PGM5: variants seen among roughly 807,000 people sequenced by gnomAD.
PGM5 encodes the protein phosphoglucomutase-like protein 5.
Under a neutral mutation model 59.2 loss-of-function variants are expected in PGM5, and 23 were observed. That is an observed-to-expected ratio of 0.39 (90% CI 0.28 to 0.55). The LOEUF (loss-of-function observed/expected upper bound fraction) is 0.55. Ranked by LOEUF, PGM5 falls within the 20% of genes least tolerant of loss-of-function variation. The pLI, the probability that PGM5 is intolerant of heterozygous loss-of-function variation, is 0.66. For synonymous variants in PGM5, 214 were observed against 286.0 expected, an observed-to-expected ratio of 0.75 and a Z score of 2.54; for missense variants, 574 against 748.3, an observed-to-expected ratio of 0.77 and a Z score of 2.72.
At chr9:68,468,735 A>G (rs1407388610) in intron 7 of PGM5, among the ~76,000 whole-genome samples, 5 of 152,184 alleles carry the variant, frequency 3.3e-5, no homozygotes, top group Non-Finnish European at 5.9e-5. Context: ...ATGTCTCTTA[A>G]GTCTCTTTTA....
chr9:68,376,635 T>A (rs1821893824), intron 1 of PGM5, among the ~76,000 whole-genome samples: 1 of 152,070 alleles, frequency 6.6e-6, no homozygotes, highest in Non-Finnish European at 1.5e-5. Context: ...TTGAACTGTA[T>A]GTTAAAGTTT....
chr9:68,386,469 GAAT>G (rs1822221291), intron 3 of PGM5, among the ~76,000 whole-genome samples: 1 of 152,140 alleles, frequency 6.6e-6, no homozygotes, highest in South Asian at 2.1e-4. Flanking sequence ...TCAGATGAAG[GAAT>G]AATATTATAT....
At chr9:68,402,569 C>T (rs1399240582) in intron 6 of PGM5, 8 of 152,324 alleles carry the variant, frequency 5.3e-5, no homozygotes, top group Admixed American at 4.6e-4. Flanking sequence ...AGCCTGCAAT[C>T]TTGTCTTTGG....
At chr9:68,451,919 G>T (rs1179424234) in intron 6 of PGM5, among the ~76,000 whole-genome samples, 3 of 152,226 alleles carry the variant, frequency 2.0e-5, no homozygotes, top group Non-Finnish European at 2.9e-5. Context: ...TTATGACAGC[G>T]CTTCAGCAGA....
chr9:68,433,245 T>A (rs1216292714), intron 6 of PGM5, among the ~76,000 whole-genome samples: 1 of 152,250 alleles, frequency 6.6e-6, no homozygotes, highest in Non-Finnish European at 1.5e-5. Flanking sequence ...TAGTTATTCA[T>A]GTTGGGCAAG....
At chr9:68,519,639 C>A in intron 10 of PGM5, among the ~76,000 whole-genome samples, 2 of 148,392 alleles carry the variant, frequency 1.3e-5, no homozygotes, top group African/African-American at 2.5e-5. Context: ...TACCCTAAAA[C>A]TTAAAGTATA....
At chr9:68,376,458 G>T (rs1367358936) in intron 1 of PGM5, among the ~76,000 whole-genome samples, 10 of 148,766 alleles carry the variant, frequency 6.7e-5, no homozygotes, top group Non-Finnish European at 1.3e-4. Flanking sequence ...TCATCCCAAG[G>T]CCACTTTGCT....
intron 9 of PGM5, among the ~76,000 whole-genome samples, chr9:68,495,287 ATAAG>A (rs1315372750): frequency 3.3e-5 from 5 of 152,256 alleles, no homozygotes; most frequent in East Asian, 1.9e-4. Context: ...TAGGGAATAT[ATAAG>A]TAAGAGTAGA....
chr9:68,409,840 C>T (rs1332434470), intron 6 of PGM5, among the ~76,000 whole-genome samples: 7 of 136,288 alleles, frequency 5.1e-5, no homozygotes, highest in Non-Finnish European at 9.4e-5. Context: ...CTAACCTGCA[C>T]AATGTGCATA....
chr9:68,412,387 A>C (rs1436357995), intron 6 of PGM5, among the ~76,000 whole-genome samples: 2 of 152,350 alleles, frequency 1.3e-5, no homozygotes, highest in East Asian at 1.9e-4. Context: ...AGAGTCATGA[A>C]GTTTACAAAG....
At chr9:68,387,101 G>A (rs1326774739) in intron 3 of PGM5, among the ~76,000 whole-genome samples, 4 of 151,928 alleles carry the variant, frequency 2.6e-5, no homozygotes, top group Non-Finnish European at 4.4e-5. Context: ...ATGCCAAAAT[G>A]CCTCTAAACA....
intron 6 of PGM5, among the ~76,000 whole-genome samples, chr9:68,421,769 T>C (rs563648994): frequency 1.3e-5 from 2 of 151,946 alleles, no homozygotes; most frequent in Non-Finnish European, 2.9e-5. Flanking sequence ...GATTCTGCTT[T>C]CCTGACTGGC....
At chr9:68,524,800 G>T (rs1164502345) in intron 10 of PGM5, among the ~76,000 whole-genome samples, 2 of 152,156 alleles carry the variant, frequency 1.3e-5, no homozygotes, top group Non-Finnish European at 2.9e-5. Context: ...CTTATATGCA[G>T]AACTGTATGA....
At chr9:68,520,842 C>T (rs1238241404) in intron 10 of PGM5, among the ~76,000 whole-genome samples, 1 of 152,130 alleles carries the variant, frequency 6.6e-6, no homozygotes, top group East Asian at 1.9e-4. Context: ...CTCAAATAGG[C>T]TTTGTCTTCA....
chr9:68,447,702 C>A (rs781982684), intron 6 of PGM5, among the ~76,000 whole-genome samples: 2 of 151,922 alleles, frequency 1.3e-5, no homozygotes, highest in African/African-American at 4.9e-5. Flanking sequence ...CAATCCAGCA[C>A]GCTTTTTATA....
At chr9:68,471,787 C>T (rs182611406) in intron 7 of PGM5, among the ~76,000 whole-genome samples, 28 of 151,878 alleles carry the variant, frequency 1.8e-4, no homozygotes, top group African/African-American at 5.1e-4. Context: ...GATGTGGTGG[C>T]GGGTGCCTGT....
At position 68,384,510 on chromosome 9, in the gene PGM5, A is replaced by G. The variant is rs1169016306; in HGVS notation, c.537A>G (p.Glu179=). The change falls in exon 3 of 11, where the codon GAA becomes GAG. Residue 179 remains glutamate (E), a synonymous_variant. Coordinates refer to ENST00000396396, the MANE Select transcript of PGM5 (RefSeq NM_021965.4). ...RIDLSRLGRQ[E]FDLENKFKPF... is the part of the protein sequence containing the mutation. ...ACCTATCTCGACTAGGAAGACAAGA[A>G]TTTGACCTAGAAAACAAATTCAAAC... 6.2e-7 allele frequency: 1 copy of G among 1,610,716 alleles called. No individual in the cohort carries two copies. Among genetic ancestry groups the G allele is most frequent in the Non-Finnish European group, 8.5e-7 (1 of 1,177,626 alleles).
At position 68,483,901 on chromosome 9, in the gene PGM5, TTA is replaced by T; in HGVS notation, c.1336_1337del (p.Ile446HisfsTer32). 1.9e-6 allele frequency: 3 copies of T among 1,614,114 alleles called. No homozygotes were observed. Among genetic ancestry groups the T allele is most frequent in the Non-Finnish European group, 2.5e-6 (3 of 1,179,988 alleles). On this transcript the variant is annotated frameshift_variant, in exon 9 of 11. Coordinates refer to ENST00000396396, the MANE Select transcript of PGM5 (RefSeq NM_021965.4). LOFTEE classifies it high-confidence loss of function. ...AGGGGTTGGATCCCAAGACGACATATTATATCATGAGGGACCTGGAGGCCCTG... is the reference window on the plus strand; with the variant it reads ...AGGGGTTGGATCCCAAGACGACATATTATCATGAGGGACCTGGAGGCCCTG... Reference protein sequence around the residue: ...YEGLDPKTTYYIMRDLEALVT... With the variant: ...YEGLDPKTTYXIMRDLEALVT...
intron 1 of PGM5, among the ~76,000 whole-genome samples, chr9:68,359,723 A>T (rs1554676125): frequency 6.6e-6 from 1 of 152,252 alleles, no homozygotes; most frequent in East Asian, 1.9e-4. Context: ...GAAAAATAGA[A>T]AACTAGAATT....
Sources: allele counts gnomAD v4.1 joint callset (sites outside exome capture counted in the v4.1 genomes callset), GRCh38; gene constraint gnomAD v4.1.1; transcripts MANE v1.5; gene names NCBI Gene and HGNC (gene_info 2026-07-23, HGNC 2026-07-21).